Variants in PPP3CC observed in about 807,000 individuals in gnomAD.
PPP3CC encodes the protein protein phosphatase 3 catalytic subunit gamma.
A neutral mutation model predicts 60.3 loss-of-function variants in PPP3CC; 35 were observed. That is an observed-to-expected ratio of 0.58 (90% CI 0.44 to 0.77). The LOEUF is 0.77. Ranked by LOEUF, PPP3CC falls within the 30% of genes least tolerant of loss-of-function variation. The pLI, the probability that PPP3CC is intolerant of heterozygous loss-of-function variation, is 0.00. For synonymous variants in PPP3CC, 206 were observed against 224.3 expected, an observed-to-expected ratio of 0.92 and a Z score of 0.73; for missense variants, 570 against 628.9, an observed-to-expected ratio of 0.91 and a Z score of 1.00.
chr8:22,499,502 CAG>C (rs1473184677), intron 4 of PPP3CC, among the ~76,000 whole-genome samples: 1 of 151,766 alleles, frequency 6.6e-6, no homozygotes, highest in African/African-American at 2.4e-5. Context: ...TTTTAAAAAA[CAG>C]ATAACATGGT....
chr8:22,522,641 C>G lies in PPP3CC; in HGVS notation c.849-14C>G, dbSNP rs1231517775. ...TTTAATATGCAGACAGATGGACTTT[C>G]ATCTCTTTTTCAGGTATCGAATGTA... is the stretch of plus-strand genomic sequence containing the variant. On this transcript the variant is annotated splice_polypyrimidine_tract_variant and intron_variant, in intron 7 of 13. Coordinates refer to ENST00000240139, the MANE Select transcript of PPP3CC (RefSeq NM_005605.5). The G allele has an allele frequency of 1.9e-6, 3 of 1,594,770 alleles. No homozygotes were observed. Among genetic ancestry groups the G allele is most frequent in the Non-Finnish European group, 2.6e-6 (3 of 1,165,006 alleles).
chr8:22,446,182 C>T (rs1484696835), intron 1 of PPP3CC, among the ~76,000 whole-genome samples: 1 of 151,954 alleles, frequency 6.6e-6, no homozygotes, highest in African/African-American at 2.4e-5. Context: ...TGAGTTTTTA[C>T]AAATTTAGCA....
chr8:22,512,861 G>T (rs1839129213), intron 5 of PPP3CC, among the ~76,000 whole-genome samples: 1 of 152,124 alleles, frequency 6.6e-6, no homozygotes, highest in African/African-American at 2.4e-5. Flanking sequence ...CGGATCACCT[G>T]AGGTCAGGAG....
At chr8:22,482,915 A>G (rs2132481638) in intron 3 of PPP3CC, among the ~76,000 whole-genome samples, 1 of 152,350 alleles carries the variant, frequency 6.6e-6, no homozygotes, top group African/African-American at 2.4e-5. Context: ...GAGTTAGAAT[A>G]GGAGAAAAAA....
At chr8:22,528,099 T>G (rs768698736) in intron 9 of PPP3CC, among the ~76,000 whole-genome samples, 6 of 152,214 alleles carry the variant, frequency 3.9e-5, no homozygotes, top group African/African-American at 1.4e-4. Flanking sequence ...CTGAAGAGAT[T>G]TAAACAGAAT....
chr8:22,522,396 C>A, intron 6 of PPP3CC, 95 bp from the exon 7 acceptor site: 1 of 945,046 alleles, frequency 1.1e-6, no homozygotes. Flanking sequence ...AGTTTTGAAA[C>A]AAAATCAGCT....
At chr8:22,525,540 C>T (rs200675263) in intron 8 of PPP3CC, among the ~76,000 whole-genome samples, 1,402 of 39,138 alleles carry the variant, frequency 0.036, 19 homozygotes, top group African/African-American at 0.088. Flanking sequence ...CTTTCTTTCT[C>T]TCCCTCTCTC....
intron 12 of PPP3CC, among the ~76,000 whole-genome samples, chr8:22,536,832 G>A (rs1457070989): frequency 6.6e-6 from 1 of 152,172 alleles, no homozygotes; most frequent in Non-Finnish European, 1.5e-5. Context: ...ATCCCATATG[G>A]CCATGTAACA....
At chr8:22,456,835 G>C (rs1837208947) in intron 1 of PPP3CC, among the ~76,000 whole-genome samples, 1 of 152,152 alleles carries the variant, frequency 6.6e-6, no homozygotes, top group African/African-American at 2.4e-5. Context: ...TAAGGTTTTT[G>C]CTTCTGATTT....
At chr8:22,498,330 A>G (rs1838651444) in intron 4 of PPP3CC, among the ~76,000 whole-genome samples, 2 of 152,204 alleles carry the variant, frequency 1.3e-5, no homozygotes, top group East Asian at 1.9e-4. Context: ...AATTCGGGAT[A>G]TTTGGAAAGC....
chr8:22,485,624 C>T (rs1244955814), intron 3 of PPP3CC, among the ~76,000 whole-genome samples: 1 of 152,168 alleles, frequency 6.6e-6, no homozygotes, highest in East Asian at 1.9e-4. Context: ...CCAATGGCTG[C>T]TGATCTTCTC....
intron 1 of PPP3CC, among the ~76,000 whole-genome samples, chr8:22,457,050 TTCC>T (rs1837221648): frequency 1.3e-5 from 1 of 78,116 alleles, no homozygotes. Context: ...CCTCCCTTCC[TTCC>T]CCTCCCTCCC....
In PPP3CC at chr8:22,441,472, CG is replaced by C; in HGVS notation, c.49+17del. On this transcript the variant is annotated intron_variant, in intron 1 of 13. Coordinates refer to ENST00000240139, the MANE Select transcript of PPP3CC (RefSeq NM_005605.5). ...GCGTCATCAAAGGTGCCTGGCGGGC[CG>C]GGCCTTCCTCTGGGACCCGCGGGAA... The C allele has an allele frequency of 1.3e-6, 2 of 1,528,998 alleles. No individual in the cohort carries two copies. The highest frequency in any genetic ancestry group is 1.8e-6 in the Non-Finnish European group (2 of 1,136,634). 94.7% of individuals were successfully genotyped at this position (1,528,998 alleles called of 1,614,324 possible). A position where few individuals can be genotyped will look rare whatever the true frequency, so the allele number is the denominator to read the frequency against.
chr8:22,452,016 A>G (rs1837044839), intron 1 of PPP3CC, among the ~76,000 whole-genome samples: 1 of 97,222 alleles, frequency 1.0e-5, no homozygotes. Context: ...TCTGTGCATA[A>G]TGGTTTTTTT....
intron 1 of PPP3CC, among the ~76,000 whole-genome samples, chr8:22,467,240 A>G (rs548716968): frequency 6.6e-6 from 1 of 152,188 alleles, no homozygotes. Flanking sequence ...GTACTTATGC[A>G]TTGAGATATT....
chr8:22,501,801 C>T (rs955747719), intron 4 of PPP3CC, among the ~76,000 whole-genome samples: 5 of 152,050 alleles, frequency 3.3e-5, no homozygotes, highest in Admixed American at 6.5e-5. Context: ...CACTTGAGGC[C>T]AGGAGTTCAA....
At chr8:22,465,470 C>T (rs1359659972) in intron 1 of PPP3CC, among the ~76,000 whole-genome samples, 1 of 152,118 alleles carries the variant, frequency 6.6e-6, no homozygotes, top group East Asian at 1.9e-4. Flanking sequence ...AAATTTATCC[C>T]AAATGCAGTA....
chr8:22,524,441 T>C (rs375990182), intron 8 of PPP3CC, among the ~76,000 whole-genome samples: 3 of 152,242 alleles, frequency 2.0e-5, no homozygotes, highest in Admixed American at 6.5e-5. Context: ...CCTAGTCTTA[T>C]GTTTTCATTT....
At chr8:22,479,577 G>T (rs989008324) in intron 3 of PPP3CC, among the ~76,000 whole-genome samples, 5 of 151,572 alleles carry the variant, frequency 3.3e-5, no homozygotes, top group African/African-American at 1.2e-4. Flanking sequence ...AACCTCGTCT[G>T]TACTAAAAAT....
Sources: gnomAD v4.1 joint callset for allele counts (sites outside exome capture counted in the v4.1 genomes callset) on GRCh38, gnomAD v4.1.1 for gene constraint, MANE v1.5 for transcripts, NCBI Gene and HGNC (gene_info 2026-07-23, HGNC 2026-07-21) for gene names.